Variants in PALLD observed in about 807,000 individuals in gnomAD.
The protein encoded by PALLD is palladin, cytoskeletal associated protein, also known as palladin.
In PALLD, 61 loss-of-function variants were observed where a neutral mutation model predicts 123.5. The observed-to-expected ratio is 0.49, with a 90% CI of 0.40 to 0.61. PALLD has a LOEUF of 0.61. PALLD is among the 20% of genes least tolerant of loss of function. The probability of loss-of-function intolerance (pLI) is 0.00; values close to 1 mark genes in which losing one functional copy is unlikely to be tolerated. For synonymous variants in PALLD, 465 were observed against 496.4 expected, an observed-to-expected ratio of 0.94 and a Z score of 0.84; for missense variants, 1,273 against 1,377.0, an observed-to-expected ratio of 0.92 and a Z score of 1.20.
At chr4:168,745,228 A>G (rs1421761440) in intron 10 of PALLD, among the ~76,000 whole-genome samples, 1 of 152,214 alleles carries the variant, frequency 6.6e-6, no homozygotes, top group Non-Finnish European at 1.5e-5. Flanking sequence ...AAAAATTAGT[A>G]GCAACTATTC....
chr4:168,842,937 G>A (rs1420355762), intron 10 of PALLD, among the ~76,000 whole-genome samples: 1 of 152,112 alleles, frequency 6.6e-6, no homozygotes, highest in South Asian at 2.1e-4. Flanking sequence ...AGAAATAAAA[G>A]CTTCTCAAAA....
rs558528357 is a variant in PALLD at position 168,924,566 on chromosome 4, A to G, written c.3224+146A>G. The stretch of plus-strand genomic sequence containing the variant: ...ATGAAATCAATCAAAGACAAAAACC[A>G]TGCGTTACCCAATGTAGGATTAAGC... On this transcript the variant is annotated intron_variant, in intron 19 of 21. Coordinates refer to ENST00000505667, the MANE Select transcript of PALLD (RefSeq NM_001166108.2). 2.6e-3 allele frequency: 2,213 copies of G among 847,444 alleles called. 21 individuals are homozygous for G. The highest frequency in any genetic ancestry group is 0.017 in the South Asian group (1,154 of 67,964). 52.5% of individuals were successfully genotyped at this position (847,444 alleles called of 1,614,324 possible). A position where few individuals can be genotyped will look rare whatever the true frequency, so the allele number is the denominator to read the frequency against.
At position 168,741,071 on chromosome 4, in the gene PALLD, CA is replaced by C. The variant is rs1248386160; in HGVS notation, c.1964+29150del. Among the ~76,000 whole-genome samples the C allele has an allele frequency of 2.0e-5, 3 of 152,166 alleles. No individual in the cohort carries two copies. In the East Asian group the frequency reaches 5.8e-4, roughly 29 times the overall value. ...AATACGGGCTTGATTAACTTCATCT[CA>C]AGTTTTAAATGTTTCCCATTGGCTT... On this transcript the variant is annotated intron_variant, in intron 10 of 21. Transcript: ENST00000505667.
chr4:168,617,154 T>C (rs1437217005), intron 2 of PALLD, among the ~76,000 whole-genome samples: 1 of 152,176 alleles, frequency 6.6e-6, no homozygotes, highest in Admixed American at 6.5e-5. Context: ...TTGACAACAA[T>C]GAGCCTGCCA....
chr4:168,756,846 A>G (rs1229236988), intron 10 of PALLD, among the ~76,000 whole-genome samples: 2 of 152,232 alleles, frequency 1.3e-5, no homozygotes, highest in Non-Finnish European at 2.9e-5. Context: ...CTCTTAAGGC[A>G]GTGAATGTAA....
chr4:168,583,151 C>G (rs1561272840), intron 2 of PALLD, among the ~76,000 whole-genome samples: 1 of 151,886 alleles, frequency 6.6e-6, no homozygotes, highest in African/African-American at 2.4e-5. Flanking sequence ...AGAATATGTA[C>G]AAAACTAAAA....
At chr4:168,572,484 A>C (rs1769095514) in intron 2 of PALLD, among the ~76,000 whole-genome samples, 1 of 151,928 alleles carries the variant, frequency 6.6e-6, no homozygotes, top group South Asian at 2.1e-4. Flanking sequence ...ATTAAGGGGA[A>C]CCTCCACCTT....
At chr4:168,892,102 TTTTG>T (rs1361991451) in intron 11 of PALLD, among the ~76,000 whole-genome samples, 2 of 152,216 alleles carry the variant, frequency 1.3e-5, no homozygotes, top group African/African-American at 4.8e-5. Flanking sequence ...CCTCATCAGT[TTTTG>T]TTTGTTTTTT....
At chr4:168,912,839 A>G (rs926970539) in intron 15 of PALLD, among the ~76,000 whole-genome samples, 1 of 152,160 alleles carries the variant, frequency 6.6e-6, no homozygotes, top group East Asian at 1.9e-4. Context: ...GTAATTTTGT[A>G]TCCATTAACC....
intron 10 of PALLD, among the ~76,000 whole-genome samples, chr4:168,845,755 C>T (rs185129068): frequency 4.5e-4 from 68 of 152,254 alleles, no homozygotes; most frequent in Non-Finnish European, 8.8e-4. Flanking sequence ...AAGACTTATA[C>T]ATACAAAGAA....
chr4:168,654,050 G>A (rs1019966716), intron 2 of PALLD, among the ~76,000 whole-genome samples: 5 of 151,850 alleles, frequency 3.3e-5, no homozygotes, highest in Non-Finnish European at 7.4e-5. Context: ...CAAACTCCTG[G>A]GCTCAAGCAA....
rs936384501 is a variant in PALLD at position 168,925,156 on chromosome 4, A to G, written c.3359-77A>G. ...ATTAGACATCTGGACAGCAAATCAC[A>G]TTACTCTTTATAAACAACTATTGTG... is the stretch of plus-strand genomic sequence containing the variant. On this transcript the variant is annotated intron_variant, in intron 20 of 21. Transcript: ENST00000505667. 1.5e-5 allele frequency: 23 copies of G among 1,584,852 alleles called. No homozygotes were observed. The East Asian group carries it at 5.1e-4, about 35-fold the overall frequency.
chr4:168,499,779 T>C (rs1761203956), intron 1 of PALLD, among the ~76,000 whole-genome samples: 1 of 152,232 alleles, frequency 6.6e-6, no homozygotes, highest in African/African-American at 2.4e-5. Flanking sequence ...AATTTAGCTA[T>C]TCCACCTGGA....
intron 2 of PALLD, among the ~76,000 whole-genome samples, chr4:168,600,052 C>CAT (rs760461343): frequency 2.2e-4 from 29 of 134,218 alleles, no homozygotes; most frequent in African/African-American, 6.9e-4. Flanking sequence ...TGTATACACA[C>CAT]ATATATACAT....
At chr4:168,553,108 A>G (rs1231969826) in intron 2 of PALLD, among the ~76,000 whole-genome samples, 1 of 152,212 alleles carries the variant, frequency 6.6e-6, no homozygotes, top group Non-Finnish European at 1.5e-5. Flanking sequence ...AAAGATGTGA[A>G]AACTGAGTCT....
rs574059357 is a variant in PALLD at position 168,883,923 on chromosome 4, AT to A, written c.1965-6990del. On this transcript the variant is annotated intron_variant, in intron 10 of 21. Transcript: ENST00000505667. ...AACTACTAACTTTGAATACTATTTT[AT>A]TTTTTTTTAATTGTGCAAACCATCA... 4.9e-5 allele frequency among the ~76,000 whole-genome samples: 7 copies of A among 143,380 alleles called. 1 individual carries two copies. The highest frequency in any genetic ancestry group is 1.3e-4 in the African/African-American group (5 of 39,404). The allele number at this position is 143,380 out of a possible 152,430, so 94.1% of individuals were successfully genotyped here.
intron 10 of PALLD, among the ~76,000 whole-genome samples, chr4:168,795,622 T>C (rs561840352): frequency 3.7e-4 from 56 of 152,282 alleles, no homozygotes; most frequent in African/African-American, 1.3e-3. Context: ...GGAATGAATA[T>C]AGAATGTTCT....
chr4:168,764,572 T>A (rs1404994877), intron 10 of PALLD, among the ~76,000 whole-genome samples: 1 of 152,112 alleles, frequency 6.6e-6, no homozygotes, highest in African/African-American at 2.4e-5. Context: ...TGTGTGCCAC[T>A]GTGCCCAACT....
At chr4:168,773,268 C>G (rs1467303861) in intron 10 of PALLD, among the ~76,000 whole-genome samples, 1 of 152,136 alleles carries the variant, frequency 6.6e-6, no homozygotes, top group African/African-American at 2.4e-5. Context: ...CCTTATCTAT[C>G]AAAATCCTGG....
Sources: gnomAD v4.1 joint callset for allele counts (sites outside exome capture counted in the v4.1 genomes callset) on GRCh38, gnomAD v4.1.1 for gene constraint, MANE v1.5 for transcripts, NCBI Gene and HGNC (gene_info 2026-07-23, HGNC 2026-07-21) for gene names.